CCL4: variants seen among roughly 807,000 people sequenced by gnomAD.
CCL4 encodes the protein C-C motif chemokine ligand 4.
A neutral mutation model predicts 10.3 loss-of-function variants in CCL4; 8 were observed. The ratio of observed to expected loss-of-function variants is 0.77; its 90% CI spans 0.45 to 1.39. The LOEUF is 1.39. Ranked by LOEUF, CCL4 falls within the 40% of genes most tolerant of loss-of-function variation. CCL4 has a pLI of 0.00. For synonymous variants in CCL4, 35 were observed against 44.3 expected (o/e 0.79, Z 0.83); for missense variants, 106 against 111.2 (o/e 0.95, Z 0.21).
chr17:36,105,612 GCAGA>G (rs1419731891), exon 3 of CCL4: 8 of 494,562 alleles, frequency 1.6e-5, no homozygotes, highest in Non-Finnish European at 2.9e-5. Context: ...AAAATAAAAT[GCAGA>G]CAGTTTCTTT....
At position 36,104,604 on chromosome 17, in the gene CCL4, C is replaced by G. The variant is rs2067144957; in HGVS notation, c.153C>G (p.Tyr51Ter). Residue 51 changes from tyrosine to a stop codon, truncating the protein, a stop_gained, in exon 2 of 3, where the codon TAC becomes TAG. Transcript: ENST00000615863. LOFTEE classifies it high-confidence loss of function. The stretch of plus-strand genomic sequence containing the variant: ...TTCCTCGCAACTTTGTGGTAGATTA[C>G]TATGAGACCAGCAGCCTCTGCTCCC... ...RKLPRNFVVDYYETSSLCSQP... is the reference protein window; with the variant it reads ...RKLPRNFVVD 4 of 1,613,580 alleles carry G rather than the reference C, an allele frequency of 2.5e-6. No homozygotes were observed. The African/African-American group carries it at 5.3e-5, about 22-fold the overall frequency.
At chr17:36,104,673 G>A (rs1409123513) in intron 2 of CCL4, 31 bp downstream of exon 2, 2 of 1,613,536 alleles carry the variant, frequency 1.2e-6, no homozygotes, top group African/African-American at 1.3e-5. Flanking sequence ...TGCCCTGGGA[G>A]GCAAGGGTGA....
At chr17:36,104,483 A>C in intron 1 of CCL4, 45 bp from the exon 2 acceptor site, 1 of 1,592,522 alleles carries the variant, frequency 6.3e-7, no homozygotes, top group Non-Finnish European at 8.6e-7. Context: ...CAAAATAAAC[A>C]GCTCCCACGG....
intron 2 of CCL4, chr17:36,105,004 A>T (rs2067149275): frequency 1.4e-6 from 1 of 719,758 alleles, no homozygotes; most frequent in Non-Finnish European, 2.6e-6. Flanking sequence ...ATTGATTGCA[A>T]TGCCCCTTGG....
intron 2 of CCL4, chr17:36,104,882 C>G: frequency 1.5e-6 from 1 of 685,742 alleles, no homozygotes; most frequent in Non-Finnish European, 2.6e-6. Flanking sequence ...GACAGGGAAG[C>G]AGGGGAAGGC....
chr17:36,105,357 G>A lies in CCL4; in HGVS notation c.*45G>A, dbSNP rs372180205. ...TCTTCAGGGAAGGTCACCTGAGCCC[G>A]GATGCTTCTCCATGAGACACATCTC... On this transcript the variant is annotated 3_prime_UTR_variant, in exon 3 of 3. Transcript: ENST00000615863. 3.8e-5 allele frequency: 60 copies of A among 1,587,340 alleles called. No homozygotes were observed. Among genetic ancestry groups the A allele is most frequent in the African/African-American group, 3.0e-4 (22 of 74,430 alleles).
In CCL4 at chr17:36,105,435, C is replaced by G. The variant is rs573320537; in HGVS notation, c.*123C>G. ...TTCCTGTCCCTTCTCTTAATTTAATCTTTTTTATGTGCCGTGTTATTGTAT... is the reference window on the plus strand; with the variant it reads ...TTCCTGTCCCTTCTCTTAATTTAATGTTTTTTATGTGCCGTGTTATTGTAT... On this transcript the variant is annotated 3_prime_UTR_variant, in exon 3 of 3. Transcript: ENST00000615863. The G allele has an allele frequency of 2.1e-6, 2 of 970,264 alleles. No individual in the cohort carries two copies. Among genetic ancestry groups the G allele is most frequent in the African/African-American group, 1.6e-5 (1 of 62,152 alleles). 60.1% of individuals were successfully genotyped at this position (970,264 alleles called of 1,614,324 possible).
chr17:36,104,889 A>C lies in CCL4; in HGVS notation c.191+247A>C, dbSNP rs1270188053. The C allele has an allele frequency of 1.7e-5, 12 of 686,106 alleles. No individual in the cohort carries two copies. In the African/African-American group the frequency reaches 2.1e-4, roughly 12 times the overall value. 42.5% of individuals were successfully genotyped at this position (686,106 alleles called of 1,614,324 possible). A position where few individuals can be genotyped will look rare whatever the true frequency, so the allele number is the denominator to read the frequency against. ...ATTCAGAGGACAGGGAAGCAGGGGA[A>C]GGCAGACAGGTCCCATGAGATATGG... On this transcript the variant is annotated intron_variant, in intron 2 of 2. Coordinates refer to ENST00000615863, the MANE Select transcript of CCL4 (RefSeq NM_002984.4).
rs928430599 is a variant in CCL4 at position 36,105,449 on chromosome 17, G to A, written c.*137G>A. 18 of 886,682 alleles carry A rather than the reference G, an allele frequency of 2.0e-5. No homozygotes were observed. The highest frequency in any genetic ancestry group is 1.2e-4 in the African/African-American group (7 of 60,230). The allele number at this position is 886,682 out of a possible 1,614,324, so 54.9% of individuals were successfully genotyped here. On this transcript the variant is annotated 3_prime_UTR_variant, in exon 3 of 3. Coordinates refer to ENST00000615863, the MANE Select transcript of CCL4 (RefSeq NM_002984.4). ...CTTAATTTAATCTTTTTTATGTGCCGTGTTATTGTATTAGGTGTCATTTCC... is the reference window on the plus strand; with the variant it reads ...CTTAATTTAATCTTTTTTATGTGCCATGTTATTGTATTAGGTGTCATTTCC...
chr17:36,104,717 A>C (rs1366676686), intron 2 of CCL4, 75 bp downstream of exon 2: 1 of 1,589,836 alleles, frequency 6.3e-7, no homozygotes, highest in African/African-American at 1.3e-5. Flanking sequence ...TGTTTTGGGG[A>C]GGGGGTGATT....
At chr17:36,104,670 G>A (rs1568573114) in intron 2 of CCL4, 28 bp downstream of exon 2, 1 of 1,613,742 alleles carries the variant, frequency 6.2e-7, no homozygotes, top group African/African-American at 1.3e-5. Context: ...GGCTGCCCTG[G>A]GAGGCAAGGG....
rs200241576 is a variant in CCL4 at position 36,105,342 on chromosome 17, A to G, written c.*30A>G. 1.5e-4 allele frequency: 238 copies of G among 1,606,352 alleles called. 1 individual carries two copies. In the African/African-American group the frequency reaches 2.8e-3, roughly 19 times the overall value. On this transcript the variant is annotated 3_prime_UTR_variant, in exon 3 of 3. Coordinates refer to ENST00000615863, the MANE Select transcript of CCL4 (RefSeq NM_002984.4). The stretch of plus-strand genomic sequence containing the variant: ...CTCAGAGACAGGAAGTCTTCAGGGA[A>G]GGTCACCTGAGCCCGGATGCTTCTC...
At position 36,104,078 on chromosome 17, in the gene CCL4, C is replaced by T. The variant is rs2067140776; in HGVS notation, c.76+97C>T. 4.4e-6 allele frequency: 6 copies of T among 1,363,692 alleles called. No individual in the cohort carries two copies. In the South Asian group the frequency reaches 4.6e-5, roughly 11 times the overall value. The allele number at this position is 1,363,692 out of a possible 1,614,324, so 84.5% of individuals were successfully genotyped here. ...CAAACAGTGGGATCTGGGGATGGGA[C>T]AAAAGGCAGCTAGGAAGATTGCCAT... On this transcript the variant is annotated intron_variant, in intron 1 of 2. Coordinates refer to ENST00000615863, the MANE Select transcript of CCL4 (RefSeq NM_002984.4).
At chr17:36,104,043 T>C in intron 1 of CCL4, 62 bp downstream of exon 1, 1 of 1,597,028 alleles carries the variant, frequency 6.3e-7, no homozygotes, top group Non-Finnish European at 8.6e-7. Context: ...TTTTTTCTAG[T>C]CATGGCTGGC....
In CCL4 at chr17:36,105,500, G is replaced by C; in HGVS notation, c.*188G>C. 1 of 678,414 alleles carries C rather than the reference G, an allele frequency of 1.5e-6. No homozygotes were observed. The highest frequency in any genetic ancestry group is 2.6e-6 in the Non-Finnish European group (1 of 385,924). The allele number at this position is 678,414 out of a possible 1,614,324, so 42.0% of individuals were successfully genotyped here. A position where few individuals can be genotyped will look rare whatever the true frequency, so the allele number is the denominator to read the frequency against. On this transcript the variant is annotated 3_prime_UTR_variant, in exon 3 of 3. Coordinates refer to ENST00000615863, the MANE Select transcript of CCL4 (RefSeq NM_002984.4). ...ATTATTTATATTAGTTTAGCCAAAG[G>C]ATAAGTGTCCCCTATGGGGATGGTC...
chr17:36,104,468 G>T (rs1212616688), intron 1 of CCL4, 60 bp from the exon 2 acceptor site: 51 of 1,505,076 alleles, frequency 3.4e-5, no homozygotes, highest in Admixed American at 1.4e-4. Context: ...TACAAAATTA[G>T]AAGTCAAAAT....
rs1348263779 is a variant in CCL4 at position 36,105,383 on chromosome 17, C to T, written c.*71C>T. 6.8e-7 allele frequency: 1 copy of T among 1,463,144 alleles called. No individual in the cohort carries two copies. Among genetic ancestry groups the T allele is most frequent in the African/African-American group, 1.4e-5 (1 of 72,086 alleles). The allele number at this position is 1,463,144 out of a possible 1,614,324, so 90.6% of individuals were successfully genotyped here. A position where few individuals can be genotyped will look rare whatever the true frequency, so the allele number is the denominator to read the frequency against. ...GATGCTTCTCCATGAGACACATCTCCTCCATACTCAGGACTCCTCTCCGCA... is the reference window on the plus strand; with the variant it reads ...GATGCTTCTCCATGAGACACATCTCTTCCATACTCAGGACTCCTCTCCGCA... On this transcript the variant is annotated 3_prime_UTR_variant, in exon 3 of 3. Transcript: ENST00000615863.
rs199619169 is a variant in CCL4, at chr17:36,103,917, C to A, written c.12C>A (p.Cys4Ter). The change falls in exon 1 of 3, where the codon TGC becomes TGA. Residue 4 changes from cysteine (C) to a stop codon, truncating the protein, a stop_gained. Coordinates refer to ENST00000615863, the MANE Select transcript of CCL4 (RefSeq NM_002984.4). LOFTEE classifies it high-confidence loss of function. The part of the protein sequence containing the change: MKL[C>*]VTVLSLLMLV... ...TTTCCACCAATACCATGAAGCTCTGCGTGACTGTCCTGTCTCTCCTCATGC... is the reference window on the plus strand; with the variant it reads ...TTTCCACCAATACCATGAAGCTCTGAGTGACTGTCCTGTCTCTCCTCATGC... The A allele has an allele frequency of 1.2e-6, 2 of 1,613,978 alleles. No individual in the cohort carries two copies. The highest frequency in any genetic ancestry group is 1.7e-4 in the Middle Eastern group (1 of 6,056).
intron 1 of CCL4, 76 bp downstream of exon 1, chr17:36,104,057 C>T (rs1017958587): frequency 3.2e-6 from 5 of 1,556,166 alleles, no homozygotes; most frequent in African/African-American, 1.4e-5. Context: ...GGCTGGCAAA[C>T]AGTGGGATCT....
Sources: allele counts gnomAD v4.1 joint callset, GRCh38; gene constraint gnomAD v4.1.1; transcripts MANE v1.5; gene names NCBI Gene and HGNC (gene_info 2026-07-23, HGNC 2026-07-21).